Variants in ATP8A2 observed in about 807,000 individuals in gnomAD.
ATP8A2 encodes ATPase phospholipid transporting 8A2, also known as phospholipid-transporting ATPase IB.
A neutral mutation model predicts 165.6 loss-of-function variants in ATP8A2; 100 were observed. That is an observed-to-expected ratio of 0.60 (90% CI 0.51 to 0.71). The LOEUF (loss-of-function observed/expected upper bound fraction) is 0.71. ATP8A2 is among the 30% of genes least tolerant of loss of function. The pLI is 0.00. For missense variants in ATP8A2, 1,227 were observed against 1,479.5 expected, an observed-to-expected ratio of 0.83 and a Z score of 2.80; for synonymous variants, 543 against 548.8, an observed-to-expected ratio of 0.99 and a Z score of 0.15.
intron 24 of ATP8A2, among the ~76,000 whole-genome samples, chr13:25,655,012 T>C (rs1055936931): frequency 7.9e-5 from 12 of 152,192 alleles, no homozygotes; most frequent in Admixed American, 7.9e-4. Flanking sequence ...TGGGTTAATC[T>C]CTTAGTGAGA....
chr13:25,504,442 TA>T (rs752284123), intron 2 of ATP8A2, among the ~76,000 whole-genome samples: 5,444 of 129,828 alleles, frequency 0.042, 116 homozygotes, highest in Non-Finnish European at 0.051. Context: ...TTTTTTTTTT[TA>T]AAAAGTATAC....
intron 27 of ATP8A2, among the ~76,000 whole-genome samples, chr13:25,814,620 T>TAAAAAAAA (rs3981881): frequency 7.7e-6 from 1 of 129,610 alleles, no homozygotes; most frequent in African/African-American, 2.9e-5. Flanking sequence ...AGCATTCAAT[T>TAAAAAAAA]AAAAAAAAAA....
Position 25,813,152 on chromosome 13 carries a change from C to T in ATP8A2, c.2680-14966C>T, listed in dbSNP as rs566364460. Among the ~76,000 whole-genome samples the T allele has an allele frequency of 7.9e-5, 12 of 152,100 alleles. No individual in the cohort carries two copies. In the South Asian group the frequency reaches 2.5e-3, roughly 32 times the overall value. Reference sequence around the variant, plus strand: ...TGGGTTGACAGGTGCAGCAAACCACCATAGCACATGTTTACCTATGTAACA... The same window carrying T: ...TGGGTTGACAGGTGCAGCAAACCACTATAGCACATGTTTACCTATGTAACA... On this transcript the variant is annotated intron_variant, in intron 27 of 36. Transcript: ENST00000381655.
intron 10 of ATP8A2, among the ~76,000 whole-genome samples, chr13:25,547,910 TG>T (rs1374036345): frequency 2.0e-5 from 3 of 152,140 alleles, no homozygotes; most frequent in African/African-American, 7.2e-5. Flanking sequence ...TTATAATACT[TG>T]TAGGAATTTA....
chr13:25,727,411 A>G (rs76351001), intron 25 of ATP8A2, among the ~76,000 whole-genome samples: 9,801 of 152,172 alleles, frequency 0.064, 976 homozygotes, highest in African/African-American at 0.21. Context: ...TCTTTTGTCA[A>G]CGCCAAGGGA....
At chr13:25,608,345 C>T (rs2040571955) in intron 24 of ATP8A2, among the ~76,000 whole-genome samples, 1 of 152,166 alleles carries the variant, frequency 6.6e-6, no homozygotes, top group African/African-American at 2.4e-5. Flanking sequence ...ATTAAAGCAA[C>T]AGATATTTGA....
In ATP8A2 at chr13:25,671,572, G is replaced by T. The variant is rs556164140; in HGVS notation, c.2212-27601G>T. On this transcript the variant is annotated intron_variant, in intron 24 of 36. Coordinates refer to ENST00000381655, the MANE Select transcript of ATP8A2 (RefSeq NM_016529.6). Reference sequence around the variant, plus strand: ...TAAACTGGCCCCCCTGGGTGTGGTCGTCTCTTATGGTCGAGACTGCAGAGG... The same window carrying T: ...TAAACTGGCCCCCCTGGGTGTGGTCTTCTCTTATGGTCGAGACTGCAGAGG... Among the ~76,000 whole-genome samples, 295 of 152,070 alleles carry T rather than the reference G, an allele frequency of 1.9e-3. 1 individual carries two copies. The highest frequency in any genetic ancestry group is 4.9e-3 in the Admixed American group (75 of 15,286).
chr13:25,514,024 G>A (rs570476990), intron 2 of ATP8A2, among the ~76,000 whole-genome samples: 1 of 151,314 alleles, frequency 6.6e-6, no homozygotes, highest in East Asian at 2.0e-4. Context: ...GGGAGAGGGA[G>A]AGGGACTCTT....
chr13:25,432,473 C>T (rs1379357411), intron 1 of ATP8A2, among the ~76,000 whole-genome samples: 1 of 152,166 alleles, frequency 6.6e-6, no homozygotes, highest in Non-Finnish European at 1.5e-5. Context: ...TGCATAAACA[C>T]GGAGTGAGCG....
chr13:25,937,354 C>CTT (rs1385034296), intron 33 of ATP8A2, among the ~76,000 whole-genome samples: 466 of 15,010 alleles, frequency 0.031, 3 homozygotes, highest in African/African-American at 0.079. Context: ...TCTTTCTATT[C>CTT]TTTCTTTCTT....
Position 25,543,326 on chromosome 13 carries a change from G to C in ATP8A2, c.815G>C (p.Arg272Thr). The C allele has an allele frequency of 6.2e-7, 1 of 1,612,612 alleles. No individual in the cohort carries two copies. Reference protein sequence around the residue: ...VALGPDQILLRGTQLRNTQWV... With the variant: ...VALGPDQILLTGTQLRNTQWV... Reference sequence around the variant, plus strand: ...CTTGGGCCTGACCAGATCTTATTAAGAGGTACACAGCTTAGAAATACTCAG... The same window carrying C: ...CTTGGGCCTGACCAGATCTTATTAACAGGTACACAGCTTAGAAATACTCAG... Residue 272 changes from arginine to threonine, a missense_variant, in exon 10 of 37, where the codon AGA (arginine) becomes ACA (threonine). Arg to Thr is a moderately conservative substitution (Grantham distance 71). Around this residue, in one of 5 missense-constraint regions of ATP8A2, gnomAD observed 356 missense variants for 394.9 expected, o/e 0.90. Coordinates refer to ENST00000381655, the MANE Select transcript of ATP8A2 (RefSeq NM_016529.6).
At chr13:25,480,734 C>A (rs1248073761) in intron 2 of ATP8A2, among the ~76,000 whole-genome samples, 1 of 151,254 alleles carries the variant, frequency 6.6e-6, no homozygotes, top group East Asian at 2.0e-4. Flanking sequence ...CAGAGACGCT[C>A]CTCACTTCCT....
chr13:25,675,685 G>A (rs780507947), intron 24 of ATP8A2, among the ~76,000 whole-genome samples: 4 of 152,132 alleles, frequency 2.6e-5, no homozygotes, highest in African/African-American at 4.8e-5. Context: ...ATTTTGTTGT[G>A]ATTAGTGTAT....
chr13:25,451,133 G>A (rs78121939), intron 1 of ATP8A2, among the ~76,000 whole-genome samples: 1 of 152,192 alleles, frequency 6.6e-6, no homozygotes, highest in African/African-American at 2.4e-5. Flanking sequence ...CCGATGCTCT[G>A]TTACTATTTT....
At chr13:25,530,128 T>G in intron 3 of ATP8A2, 30 bp downstream of exon 3, 1 of 1,334,140 alleles carries the variant, frequency 7.5e-7, no homozygotes, top group Non-Finnish European at 1.1e-6. Flanking sequence ...TCCTTGGAAT[T>G]CACTTAATTA....
chr13:25,858,104 G>A (rs2138743825), intron 30 of ATP8A2, among the ~76,000 whole-genome samples: 1 of 152,234 alleles, frequency 6.6e-6, no homozygotes, highest in Admixed American at 6.5e-5. Context: ...GAATCAAAGA[G>A]ATGGTCTCCA....
At chr13:25,429,405 T>C (rs1374663075) in intron 1 of ATP8A2, among the ~76,000 whole-genome samples, 1 of 142,168 alleles carries the variant, frequency 7.0e-6, no homozygotes, top group Non-Finnish European at 1.5e-5. Flanking sequence ...AAAAAAGAAG[T>C]AATCTTGCAT....
intron 35 of ATP8A2, among the ~76,000 whole-genome samples, chr13:25,973,309 G>A (rs569035023): frequency 3.3e-5 from 5 of 152,260 alleles, no homozygotes; most frequent in African/African-American, 1.2e-4. Flanking sequence ...GTGACCCGGG[G>A]TAATCTGGAC....
At chr13:25,628,305 A>C (rs1302965906) in intron 24 of ATP8A2, among the ~76,000 whole-genome samples, 2 of 152,170 alleles carry the variant, frequency 1.3e-5, no homozygotes, top group African/African-American at 4.8e-5. Context: ...CTTTAAGATA[A>C]CATCACACAG....
Sources: gnomAD v4.1 joint callset for allele counts (sites outside exome capture counted in the v4.1 genomes callset) on GRCh38, gnomAD v4.1.1 for gene constraint, gnomAD v4.1.1 regional missense constraint, MANE v1.5 for transcripts, NCBI Gene and HGNC (gene_info 2026-07-23, HGNC 2026-07-21) for gene names.